The following MTOR variants were observed in gnomAD, a reference collection of about 807,000 sequenced individuals.
MTOR encodes serine/threonine-protein kinase mTOR.
MTOR carries 70 observed loss-of-function variants against 319.8 expected under a neutral mutation model. The ratio of observed to expected loss-of-function variants is 0.22; its 90% CI spans 0.18 to 0.27. The LOEUF is 0.27. Among genes scored for constraint, MTOR ranks in the 10% least tolerant of loss-of-function variants. The pLI, the probability that MTOR is intolerant of heterozygous loss-of-function variation, is 1.00. For missense variants in MTOR, 1,890 were observed against 3,274.4 expected (o/e 0.58, Z 10.32); for synonymous variants, 1,183 against 1,211.4 (o/e 0.98, Z 0.49).
At chr1:11,195,047 A>C (rs1571135137) in intron 28 of MTOR, 1 of 1,610,678 alleles carries the variant, frequency 6.2e-7, no homozygotes, top group East Asian at 2.2e-5. Flanking sequence ...TGGAGCACGG[A>C]TACAGAAACT....
At chr1:11,204,147 C>T (rs1039470892) in intron 26 of MTOR, among the ~76,000 whole-genome samples, 2 of 152,240 alleles carry the variant, frequency 1.3e-5, no homozygotes, top group Admixed American at 1.3e-4. Flanking sequence ...CAGAGGCGAG[C>T]TGTCCCAAAA....
Position 11,128,322 on chromosome 1 carries a change from G to A in MTOR, c.5910+132C>T. On this transcript the variant is annotated intron_variant, in intron 42 of 57. Transcript: ENST00000361445. The surrounding 1 kb of genome is among the most constrained non-coding windows in gnomAD (Gnocchi z 5.3). ...CCCGGGCCCTCTGGGACGGCTGGCT[G>A]GACAGACCCTCCTGGGCCAGGATGG... The A allele has an allele frequency of 8.1e-7, 1 of 1,230,310 alleles. No individual in the cohort carries two copies. Among genetic ancestry groups the A allele is most frequent in the East Asian group, 2.4e-5 (1 of 41,238 alleles). 76.2% of individuals were successfully genotyped at this position (1,230,310 alleles called of 1,614,324 possible). A position where few individuals can be genotyped will look rare whatever the true frequency, so the allele number is the denominator to read the frequency against.
chr1:11,234,296 A>G (rs529357515), intron 13 of MTOR, 31 bp from the exon 14 acceptor site: 2 of 1,580,538 alleles, frequency 1.3e-6, no homozygotes, highest in South Asian at 2.3e-5. Flanking sequence ...TATGTTCTCT[A>G]TGGCAGAAGA....
chr1:11,199,625 G>A lies in MTOR; in HGVS notation c.4023C>T (p.Ile1341=), dbSNP rs771356229. The A allele has an allele frequency of 1.5e-5, 25 of 1,614,044 alleles. No individual in the cohort carries two copies. Among genetic ancestry groups the A allele is most frequent in the Middle Eastern group, 3.3e-4 (2 of 6,084 alleles). The change falls in exon 27 of 58, where the codon ATC becomes ATT. Residue 1341 remains isoleucine, a synonymous_variant. Transcript: ENST00000361445. The surrounding 1 kb of genome is among the most constrained non-coding windows in gnomAD (Gnocchi z 4.5). The stretch of plus-strand genomic sequence containing the variant: ...TGTCTTGTGAGGTGAGGGCCAACTC[G>A]ATGCTTCTGATGAGCTCATCCTGTT... ...EDQQDELIRS[I]ELALTSQDIA...
chr1:11,243,698 A>C (rs910687211), intron 8 of MTOR, among the ~76,000 whole-genome samples: 2 of 152,072 alleles, frequency 1.3e-5, no homozygotes, highest in African/African-American at 4.8e-5. Context: ...AAAAAAAAAA[A>C]AAAACCCAAA....
At chr1:11,135,280 G>A (rs903923755) in intron 36 of MTOR, among the ~76,000 whole-genome samples, 3 of 152,012 alleles carry the variant, frequency 2.0e-5, no homozygotes, top group African/African-American at 7.3e-5. Context: ...TTTCTAGAGG[G>A]GGGAAAACCC....
chr1:11,213,616 A>G lies in MTOR; in HGVS notation c.3118-50T>C. On this transcript the variant is annotated intron_variant, in intron 20 of 57. Coordinates refer to ENST00000361445, the MANE Select transcript of MTOR (RefSeq NM_004958.4). The stretch of plus-strand genomic sequence containing the variant: ...AGCTGAGTCAGGTCCCTTTCTGATG[A>G]TATATGAACAAAGGAATCAAGATGG... 1.9e-6 allele frequency: 3 copies of G among 1,570,562 alleles called. No individual in the cohort carries two copies. In the South Asian group the frequency reaches 3.5e-5, roughly 18 times the overall value.
At chr1:11,126,427 T>C (rs972990654) in intron 46 of MTOR, among the ~76,000 whole-genome samples, 195 bp downstream of exon 46, 1 of 152,126 alleles carries the variant, frequency 6.6e-6, no homozygotes, top group African/African-American at 2.4e-5. Flanking sequence ...TAAGCCCAAC[T>C]ACATGAATGA....
intron 32 of MTOR, among the ~76,000 whole-genome samples, chr1:11,145,610 C>T (rs986062990): frequency 8.6e-5 from 13 of 151,994 alleles, no homozygotes; most frequent in Non-Finnish European, 1.9e-4. Flanking sequence ...ATTCTCTTGC[C>T]TCAGCCTCCC....
intron 6 of MTOR, among the ~76,000 whole-genome samples, chr1:11,249,947 C>T (rs1357535257): frequency 2.7e-5 from 4 of 150,622 alleles, no homozygotes; most frequent in South Asian, 2.1e-4. Context: ...ACCTCCCAGA[C>T]GGGGTGGTGG....
chr1:11,150,101 A>G (rs774910220), intron 31 of MTOR, 25 bp downstream of exon 31: 2 of 1,606,266 alleles, frequency 1.2e-6, no homozygotes, highest in South Asian at 2.2e-5. Flanking sequence ...CATCCTTCAC[A>G]GGGTGCCTGT....
At chr1:11,125,911 C>G (rs527370842) in intron 46 of MTOR, among the ~76,000 whole-genome samples, 2 of 150,406 alleles carry the variant, frequency 1.3e-5, no homozygotes, top group East Asian at 2.0e-4. Context: ...TGTGGTGGTG[C>G]GTGCCTGTAA....
intron 24 of MTOR, among the ~76,000 whole-genome samples, chr1:11,210,557 T>C (rs975213011): frequency 3.2e-4 from 48 of 152,180 alleles, no homozygotes; most frequent in African/African-American, 1.1e-3. Context: ...GAGAATCAAA[T>C]TTAGGTGTCC....
rs1645880320 is a variant in MTOR at position 11,199,088 on chromosome 1, C to A, written c.4253+170G>T. Among the ~76,000 whole-genome samples the A allele has an allele frequency of 6.6e-6, 1 of 152,200 alleles. No individual in the cohort carries two copies. The highest frequency in any genetic ancestry group is 2.1e-4 in the South Asian group (1 of 4,836). ...AGAAATGACAATCATGGCTAGATTC[C>A]TGGGGAGAGCCATCTGCAACAACAT... On this transcript the variant is annotated intron_variant, in intron 28 of 57. Transcript: ENST00000361445. This position sits in a 1 kb window ranked among gnomAD's most constrained non-coding sequence, Gnocchi z 4.5.
At position 11,241,915 on chromosome 1, in the gene MTOR, T is replaced by C. The variant is rs566839759; in HGVS notation, c.1413-234A>G. Among the ~76,000 whole-genome samples the C allele has an allele frequency of 7.9e-5, 12 of 152,268 alleles. No homozygotes were observed. In the East Asian group the frequency reaches 2.3e-3, roughly 29 times the overall value. On this transcript the variant is annotated intron_variant, in intron 9 of 57. Coordinates refer to ENST00000361445, the MANE Select transcript of MTOR (RefSeq NM_004958.4). ...GTAAAGTGTCTTAAGGAAGGGGCCT[T>C]TTTTCTGAATTCACACAGCTATACC...
At chr1:11,200,877 C>T (rs144150936) in intron 26 of MTOR, among the ~76,000 whole-genome samples, 148 of 151,790 alleles carry the variant, frequency 9.8e-4, no homozygotes, top group African/African-American at 3.3e-3. Context: ...TAGCCGGGCG[C>T]GGTGGTGGTG....
At chr1:11,186,482 A>G (rs1398299859) in intron 28 of MTOR, among the ~76,000 whole-genome samples, 1 of 152,216 alleles carries the variant, frequency 6.6e-6, no homozygotes, top group Non-Finnish European at 1.5e-5. Flanking sequence ...TAATTTTCAT[A>G]AACACCTTTT....
chr1:11,155,228 T>C (rs532251903), intron 30 of MTOR, among the ~76,000 whole-genome samples: 1 of 152,242 alleles, frequency 6.6e-6, no homozygotes, highest in South Asian at 2.1e-4. Context: ...ATTAAAAAAA[T>C]GAGGCAGTAG....
At chr1:11,122,494 C>T (rs1479653499) in intron 47 of MTOR, among the ~76,000 whole-genome samples, 1 of 149,608 alleles carries the variant, frequency 6.7e-6, no homozygotes, top group Admixed American at 6.7e-5. Flanking sequence ...GCCACTGCAC[C>T]CAGCCCTATT....
Sources: gnomAD v4.1 joint callset for allele counts (sites outside exome capture counted in the v4.1 genomes callset) on GRCh38, gnomAD v4.1.1 for gene constraint, Gnocchi (gnomAD v3.1) non-coding constraint, MANE v1.5 for transcripts, NCBI Gene and HGNC (gene_info 2026-07-23, HGNC 2026-07-21) for gene names.